The following PDXP variants were observed in gnomAD, a reference collection of about 807,000 sequenced individuals.
PDXP encodes chronophin.
In PDXP, 15 loss-of-function variants were observed where a neutral mutation model predicts 14.4. The observed-to-expected ratio is 1.04, with a 90% confidence interval of 0.70 to 1.60. The LOEUF is 1.60. Ranked by LOEUF, PDXP falls within the 40% of genes most tolerant of loss-of-function variation. The pLI is 0.00. For synonymous variants in PDXP, 233 were observed against 205.6 expected (o/e 1.13, Z -1.14); for missense variants, 413 against 427.6 (o/e 0.97, Z 0.30).
chr22:37,659,145 GC>G lies in PDXP; in HGVS notation c.364del (p.Leu122CysfsTer38). ...VLGGEGLRAE[L>X]RAAGLRLAGD... ...TGGGCGGCGAGGGGCTGCGCGCCGA[GC>G]TGCGCGCCGCGGGGCTGCGCCTGGC... On this transcript the variant is annotated frameshift_variant, in exon 1 of 2. Transcript: ENST00000215904. LOFTEE classifies it high-confidence loss of function. The G allele has an allele frequency of 5.8e-6, 6 of 1,029,936 alleles. No individual in the cohort carries two copies. Among genetic ancestry groups the G allele is most frequent in the Non-Finnish European group, 7.0e-6 (6 of 860,850 alleles). 63.8% of individuals were successfully genotyped at this position (1,029,936 alleles called of 1,614,324 possible).
intron 1 of PDXP, among the ~76,000 whole-genome samples, chr22:37,663,185 T>G (rs563250886): frequency 6.6e-6 from 1 of 150,506 alleles, no homozygotes; most frequent in African/African-American, 2.4e-5. Flanking sequence ...GCGCCTGTAG[T>G]CCCAGCTACT....
Position 37,665,894 on chromosome 22 carries a change from G to A in PDXP, c.*23G>A, listed in dbSNP as rs1429468596. On this transcript the variant is annotated 3_prime_UTR_variant, in exon 2 of 2. Transcript: ENST00000215904. ...TGAGCCCACTGCACCTGCAGCCACAGGCCCACCCCTCCCCACTCCCTGATC... is the reference window on the plus strand; with the variant it reads ...TGAGCCCACTGCACCTGCAGCCACAAGCCCACCCCTCCCCACTCCCTGATC... 1 of 1,599,090 alleles carries A rather than the reference G, an allele frequency of 6.3e-7. No homozygotes were observed. The highest frequency in any genetic ancestry group is 1.7e-5 in the Admixed American group (1 of 59,632).
rs375355102 is a variant in PDXP at position 37,666,036 on chromosome 22, T to C, written c.*165T>C. The C allele has an allele frequency of 1.1e-4, 73 of 685,352 alleles. 1 individual carries two copies. Among genetic ancestry groups the C allele is most frequent in the Non-Finnish European group, 3.0e-5 (12 of 400,426 alleles). 42.5% of individuals were successfully genotyped at this position (685,352 alleles called of 1,614,324 possible). On this transcript the variant is annotated 3_prime_UTR_variant, in exon 2 of 2. Transcript: ENST00000215904. ...AGGTTTGAGGGCCCTTGCAACCCCCTCCCAGCAGTGGCTGGGCACTCTTTG... is the reference window on the plus strand; with the variant it reads ...AGGTTTGAGGGCCCTTGCAACCCCCCCCCAGCAGTGGCTGGGCACTCTTTG...
chr22:37,665,724 C>T lies in PDXP; in HGVS notation c.744C>T (p.His248=). The change falls in exon 2 of 2, where the codon CAC becomes CAT. Residue 248 remains histidine (H), a synonymous_variant. Coordinates refer to ENST00000215904, the MANE Select transcript of PDXP (RefSeq NM_020315.5). ...TGGAGACCGACATCCTCTTTGGCCA[C>T]CGCTGCGGCATGACCACTGTGCTCA... The part of the protein sequence containing the change: ...DRLETDILFG[H]RCGMTTVLTL... The T allele has an allele frequency of 6.2e-7, 1 of 1,614,172 alleles. No homozygotes were observed. The highest frequency in any genetic ancestry group is 1.1e-5 in the South Asian group (1 of 91,092).
chr22:37,661,783 G>A (rs1284301717), intron 1 of PDXP, among the ~76,000 whole-genome samples: 1 of 152,116 alleles, frequency 6.6e-6, no homozygotes, highest in Non-Finnish European at 1.5e-5. Context: ...CCATCCTGGT[G>A]GGGAAGGACA....
intron 1 of PDXP, among the ~76,000 whole-genome samples, chr22:37,661,331 AGTGT>A (rs1004777306): frequency 1.0e-3 from 97 of 93,572 alleles, no homozygotes; most frequent in Non-Finnish European, 2.2e-3. Context: ...GCTTTCAAAC[AGTGT>A]GGTGTGGTGT....
In PDXP at chr22:37,665,722, C is replaced by G; in HGVS notation, c.742C>G (p.His248Asp). ...CCTGGAGACCGACATCCTCTTTGGC[C>G]ACCGCTGCGGCATGACCACTGTGCT... is the stretch of plus-strand genomic sequence containing the variant. Reference protein sequence around the residue: ...DRLETDILFGHRCGMTTVLTL... With the variant: ...DRLETDILFGDRCGMTTVLTL... Residue 248 changes from histidine (H) to aspartate (D), a missense_variant, in exon 2 of 2, where the codon CAC becomes GAC. Physicochemically the swap from His to Asp is moderately conservative, Grantham distance 81. Transcript: ENST00000215904. 1 of 1,614,156 alleles carries G rather than the reference C, an allele frequency of 6.2e-7. No homozygotes were observed. Among genetic ancestry groups the G allele is most frequent in the South Asian group, 1.1e-5 (1 of 91,092 alleles).
At chr22:37,661,515 A>G (rs1389652893) in intron 1 of PDXP, among the ~76,000 whole-genome samples, 1 of 152,178 alleles carries the variant, frequency 6.6e-6, no homozygotes, top group African/African-American at 2.4e-5. Flanking sequence ...TGAGCTGACA[A>G]ATAGAAAGGC....
chr22:37,659,420 A>C, intron 1 of PDXP, 64 bp downstream of exon 1: 1 of 1,186,244 alleles, frequency 8.4e-7, no homozygotes, highest in Admixed American at 3.4e-5. Flanking sequence ...TCCACGCCTA[A>C]GGGTGAGGGG....
At chr22:37,660,256 T>A (rs945965391) in intron 1 of PDXP, among the ~76,000 whole-genome samples, 1 of 152,062 alleles carries the variant, frequency 6.6e-6, no homozygotes, top group African/African-American at 2.4e-5. Context: ...AGAACAGATA[T>A]AGTGAGCCCC....
At chr22:37,664,024 G>A (rs1284652445) in intron 1 of PDXP, among the ~76,000 whole-genome samples, 1 of 145,610 alleles carries the variant, frequency 6.9e-6, no homozygotes, top group East Asian at 2.1e-4. Flanking sequence ...TCCGCCTCCC[G>A]GGCTTAAGTG....
intron 1 of PDXP, among the ~76,000 whole-genome samples, chr22:37,661,917 A>ATTTTTTTTTT (rs763030330): frequency 1.7e-4 from 12 of 71,214 alleles, no homozygotes; most frequent in Non-Finnish European, 2.3e-4. Context: ...TTTTTCTTTA[A>ATTTTTTTTTT]TTTTTTTTTT....
rs751354248 is a variant in PDXP, at chr22:37,665,730, C to T, written c.750C>T (p.Cys250=). ...CCGACATCCTCTTTGGCCACCGCTG[C>T]GGCATGACCACTGTGCTCACGCTCA... ...LETDILFGHR[C]GMTTVLTLTG... is the part of the protein sequence containing the mutation. The change falls in exon 2 of 2, where the codon TGC becomes TGT. Residue 250 remains cysteine, a synonymous_variant. Transcript: ENST00000215904. 15 of 1,614,006 alleles carry T rather than the reference C, an allele frequency of 9.3e-6. No individual in the cohort carries two copies. The highest frequency in any genetic ancestry group is 6.6e-5 in the South Asian group (6 of 91,094).
chr22:37,663,919 C>CTTT (rs11335821), intron 1 of PDXP, among the ~76,000 whole-genome samples: 1,697 of 98,156 alleles, frequency 0.017, 354 homozygotes, highest in African/African-American at 0.073. Context: ...AATACGTTGA[C>CTTT]TTTTTTTTTT....
chr22:37,659,216 C>T lies in PDXP; in HGVS notation c.434C>T (p.Ala145Val), dbSNP rs1428280228. ...GACGGCGCGGCCCCGCGCGTGCGCGCCGTGCTTGTGGGCTACGACGAGCAC... is the reference window on the plus strand; with the variant it reads ...GACGGCGCGGCCCCGCGCGTGCGCGTCGTGCTTGTGGGCTACGACGAGCAC... ...AGDGAAPRVR[A>V]VLVGYDEHFS... The change falls in exon 1 of 2, where the codon GCC (alanine) becomes GTC (valine). Residue 145 changes from alanine to valine, a missense_variant. Physicochemically the swap from Ala to Val is moderately conservative, Grantham distance 64. Coordinates refer to ENST00000215904, the MANE Select transcript of PDXP (RefSeq NM_020315.5). 5 of 1,287,410 alleles carry T rather than the reference C, an allele frequency of 3.9e-6. No individual in the cohort carries two copies. The highest frequency in any genetic ancestry group is 4.9e-6 in the Non-Finnish European group (5 of 1,015,280). 79.7% of individuals were successfully genotyped at this position (1,287,410 alleles called of 1,614,324 possible).
rs922303290 is a variant in PDXP, at chr22:37,658,761, AGGCCGGC to A, written c.-14_-8del. On this transcript the variant is annotated 5_prime_UTR_variant, in exon 1 of 2. Transcript: ENST00000215904. Reference sequence around the variant, plus strand: ...GCCCGCGGAGAGAGCGCGGCGCGGGAGGCCGGCGGCCGGCCGGCTGCATGGCGCGCTG... The same window carrying A: ...GCCCGCGGAGAGAGCGCGGCGCGGGAGGCCGGCCGGCTGCATGGCGCGCTG... The A allele has an allele frequency of 8.7e-6, 10 of 1,147,298 alleles. No individual in the cohort carries two copies. In the Admixed American group the frequency reaches 1.4e-4, roughly 16 times the overall value. 71.1% of individuals were successfully genotyped at this position (1,147,298 alleles called of 1,614,324 possible). A position where few individuals can be genotyped will look rare whatever the true frequency, so the allele number is the denominator to read the frequency against.
rs142489366 is a variant in PDXP, at chr22:37,663,529, C to T, written c.575-2026C>T. ...ATAATCCTGTGTCCACTTCTCTTCA[C>T]TCAATATCATCCTGTACCCCCAGGA... On this transcript the variant is annotated intron_variant, in intron 1 of 1. Coordinates refer to ENST00000215904, the MANE Select transcript of PDXP (RefSeq NM_020315.5). 5.8e-4 allele frequency among the ~76,000 whole-genome samples: 88 copies of T among 152,102 alleles called. No individual in the cohort carries two copies. The East Asian group carries it at 0.015, about 26-fold the overall frequency.
At chr22:37,662,861 G>A (rs534632144) in intron 1 of PDXP, among the ~76,000 whole-genome samples, 28 of 152,100 alleles carry the variant, frequency 1.8e-4, no homozygotes, top group Admixed American at 7.2e-4. Context: ...GGTGACACGC[G>A]CCTGTAATCC....
intron 1 of PDXP, 44 bp downstream of exon 1, chr22:37,659,400 C>T (rs2146086226): frequency 1.6e-6 from 2 of 1,245,294 alleles, no homozygotes; most frequent in Middle Eastern, 2.5e-4. Context: ...GGGCGACCTG[C>T]GCATTCGCCT....
Sources: gnomAD v4.1 joint callset for allele counts (sites outside exome capture counted in the v4.1 genomes callset) on GRCh38, gnomAD v4.1.1 for gene constraint, MANE v1.5 for transcripts, NCBI Gene and HGNC (gene_info 2026-07-23, HGNC 2026-07-21) for gene names.